Variants in N4BP1 observed in about 807,000 individuals in gnomAD.
N4BP1 encodes the protein NEDD4-binding protein 1.
A neutral mutation model predicts 70.9 loss-of-function variants in N4BP1; 21 were observed. That is an observed-to-expected ratio of 0.30 (90% CI 0.21 to 0.43). N4BP1 has a LOEUF of 0.43. N4BP1 is among the 20% of genes least tolerant of loss of function. N4BP1 has a pLI of 1.00. For missense variants in N4BP1, 936 were observed against 1,069.4 expected (o/e 0.88, Z 1.74); for synonymous variants, 387 against 394.6 (o/e 0.98, Z 0.23).
intron 1 of N4BP1, among the ~76,000 whole-genome samples, chr16:48,593,789 C>T (rs954200272): frequency 3.9e-5 from 6 of 152,090 alleles, no homozygotes; most frequent in African/African-American, 1.4e-4. Flanking sequence ...GCAGGCGGAT[C>T]ACCTGAGGTT....
chr16:48,571,252 T>G (rs1964016673), intron 1 of N4BP1, among the ~76,000 whole-genome samples: 1 of 152,174 alleles, frequency 6.6e-6, no homozygotes, highest in Non-Finnish European at 1.5e-5. Flanking sequence ...TCATATCTCC[T>G]CCGTGGGCCA....
chr16:48,586,597 C>T (rs547261224), intron 1 of N4BP1, among the ~76,000 whole-genome samples: 14 of 152,274 alleles, frequency 9.2e-5, no homozygotes, highest in Admixed American at 2.6e-4. Context: ...TAATCCACAT[C>T]GTTACATGTA....
chr16:48,601,585 T>C (rs1234307743), intron 1 of N4BP1, among the ~76,000 whole-genome samples: 2 of 152,214 alleles, frequency 1.3e-5, no homozygotes, highest in Non-Finnish European at 2.9e-5. Flanking sequence ...CTTTCATACT[T>C]TCAGACGTGG....
intron 1 of N4BP1, among the ~76,000 whole-genome samples, chr16:48,606,235 A>G (rs1365301367): frequency 6.6e-6 from 1 of 151,904 alleles, no homozygotes; most frequent in Non-Finnish European, 1.5e-5. Flanking sequence ...AAATCCCTAC[A>G]TCCACCACAC....
chr16:48,562,814 A>C (rs1006391576), intron 1 of N4BP1, among the ~76,000 whole-genome samples: 2 of 152,198 alleles, frequency 1.3e-5, no homozygotes, highest in African/African-American at 4.8e-5. Context: ...CCATGACATA[A>C]TCAAGAGATA....
chr16:48,571,423 T>C (rs868730364), intron 1 of N4BP1, among the ~76,000 whole-genome samples: 19 of 152,180 alleles, frequency 1.2e-4, no homozygotes, highest in African/African-American at 4.6e-4. Context: ...ATTTCAGATT[T>C]AGTGTCAAAC....
At chr16:48,558,286 AG>A (rs1963786622) in intron 2 of N4BP1, among the ~76,000 whole-genome samples, 1 of 138,488 alleles carries the variant, frequency 7.2e-6, no homozygotes, top group Non-Finnish European at 1.5e-5. Context: ...CAAAACAATC[AG>A]TTTTCCAAAA....
intron 1 of N4BP1, among the ~76,000 whole-genome samples, chr16:48,579,920 T>C (rs1292685640): frequency 3.3e-5 from 5 of 151,924 alleles, no homozygotes; most frequent in Non-Finnish European, 2.9e-5. Flanking sequence ...ATAACAACTA[T>C]ACATACATAT....
chr16:48,553,626 C>T lies in N4BP1; in HGVS notation c.1933G>A (p.Ala645Thr). The T allele has an allele frequency of 6.2e-7, 1 of 1,602,494 alleles. No homozygotes were observed. The highest frequency in any genetic ancestry group is 8.5e-7 in the Non-Finnish European group (1 of 1,174,982). The change falls in exon 3 of 7, where the codon GCA (alanine) becomes ACA (threonine). Residue 645 changes from alanine (A) to threonine (T), a missense_variant. Physicochemically the swap from Ala to Thr is moderately conservative, Grantham distance 58. Coordinates refer to ENST00000262384, the MANE Select transcript of N4BP1 (RefSeq NM_153029.4). The part of the protein sequence containing the change: ...KFFSCRGIAI[A>T]VEYFWKLGNR... ...CCAAGCTTCCAAAAATATTCAACTG[C>T]AATTGCAATTCCACGACAAGAAAAG...
At chr16:48,557,927 T>C (rs772552648) in intron 2 of N4BP1, among the ~76,000 whole-genome samples, 9 of 152,156 alleles carry the variant, frequency 5.9e-5, no homozygotes, top group African/African-American at 1.4e-4. Flanking sequence ...ACACTTAACA[T>C]TGAAGCAACT....
intron 1 of N4BP1, among the ~76,000 whole-genome samples, chr16:48,606,611 G>A (rs1320058264): frequency 1.3e-5 from 2 of 152,208 alleles, no homozygotes; most frequent in Admixed American, 1.3e-4. Flanking sequence ...CACTGGTACA[G>A]AGTCAGTGCC....
chr16:48,595,552 T>C (rs912619179), intron 1 of N4BP1, among the ~76,000 whole-genome samples: 2 of 151,926 alleles, frequency 1.3e-5, no homozygotes, highest in Non-Finnish European at 2.9e-5. Flanking sequence ...AAACAAAATT[T>C]GAAGCATATT....
At chr16:48,551,261 G>C (rs1719972878) in intron 4 of N4BP1, 125 bp downstream of exon 4, 5 of 623,238 alleles carry the variant, frequency 8.0e-6, no homozygotes, top group Non-Finnish European at 1.5e-5. Flanking sequence ...TCACCTTAAT[G>C]ACCATAAATA....
intron 1 of N4BP1, among the ~76,000 whole-genome samples, chr16:48,574,516 C>T (rs1964065286): frequency 6.6e-6 from 1 of 152,156 alleles, no homozygotes; most frequent in South Asian, 2.1e-4. Flanking sequence ...TTCAAATGTT[C>T]TCCATACTAT....
At chr16:48,591,041 T>C (rs1251868221) in intron 1 of N4BP1, among the ~76,000 whole-genome samples, 4 of 152,190 alleles carry the variant, frequency 2.6e-5, no homozygotes, top group Non-Finnish European at 4.4e-5. Flanking sequence ...TCTTTGTGTG[T>C]TTCTGTATAT....
intron 1 of N4BP1, among the ~76,000 whole-genome samples, chr16:48,597,508 G>T (rs1964434041): frequency 6.6e-6 from 1 of 152,098 alleles, no homozygotes; most frequent in Non-Finnish European, 1.5e-5. Flanking sequence ...GAACCATAAG[G>T]CTTTTAAGAA....
rs1267979127 is a variant in N4BP1 at position 48,609,880 on chromosome 16, A to G, written c.93T>C (p.Phe31=). Residue 31 remains phenylalanine, a synonymous_variant, in exon 1 of 7, where the codon TTT becomes TTC. Coordinates refer to ENST00000262384, the MANE Select transcript of N4BP1 (RefSeq NM_153029.4). ...CGCCGAGCACGGCTAGGCTCACGCC[A>G]AACAGGCCCTCGATACGGCCGCGGC... ...EQSRGRIEGL[F]GVSLAVLGAL... 2 of 1,481,212 alleles carry G rather than the reference A, an allele frequency of 1.4e-6. No homozygotes were observed. Among genetic ancestry groups the G allele is most frequent in the African/African-American group, 2.9e-5 (2 of 68,646 alleles). 91.8% of individuals were successfully genotyped at this position (1,481,212 alleles called of 1,614,324 possible).
chr16:48,543,658 A>G (rs1039344), intron 6 of N4BP1, among the ~76,000 whole-genome samples: 54,789 of 151,726 alleles, frequency 0.36, 10,119 homozygotes, highest in African/African-American at 0.42. Context: ...ATTAGAAGAG[A>G]CTCCTTTTGG....
chr16:48,560,876 T>A lies in N4BP1; in HGVS notation c.1767A>T (p.Ser589=), dbSNP rs1486536244. The change falls in exon 2 of 7, where the codon TCA becomes TCT. Residue 589 remains serine (S), a synonymous_variant. Transcript: ENST00000262384. The part of the protein sequence containing the change: ...SAGPSDHIDS[S]VTGVQRFRDT... The stretch of plus-strand genomic sequence containing the variant: ...CTCGAAACCTTTGAACCCCAGTAAC[T>A]GAGGAATCAATATGATCAGAAGGTC... 6.2e-7 allele frequency: 1 copy of A among 1,613,810 alleles called. No individual in the cohort carries two copies. Among genetic ancestry groups the A allele is most frequent in the Non-Finnish European group, 8.5e-7 (1 of 1,179,870 alleles).
Sources: gnomAD v4.1 joint callset for allele counts (sites outside exome capture counted in the v4.1 genomes callset) on GRCh38, gnomAD v4.1.1 for gene constraint, MANE v1.5 for transcripts, NCBI Gene and HGNC (gene_info 2026-07-23, HGNC 2026-07-21) for gene names.